IFT122: variants seen among roughly 807,000 people sequenced by gnomAD.
IFT122 encodes the protein intraflagellar transport protein 122 homolog.
A neutral mutation model predicts 161.6 loss-of-function variants in IFT122; 118 were observed. The observed-to-expected ratio is 0.73, with a 90% CI of 0.63 to 0.85. IFT122 has a LOEUF of 0.85. IFT122 is among the 40% of genes least tolerant of loss of function. The probability of loss-of-function intolerance (pLI) is 0.00; values close to 1 mark genes in which losing one functional copy is unlikely to be tolerated. For missense variants in IFT122, 1,381 were observed against 1,579.6 expected (o/e 0.87, Z 2.13); for synonymous variants, 550 against 602.4 (o/e 0.91, Z 1.27).
intron 3 of IFT122, among the ~76,000 whole-genome samples, chr3:129,455,291 G>A (rs574268503): frequency 6.6e-6 from 1 of 151,866 alleles, no homozygotes; most frequent in African/African-American, 2.4e-5. Context: ...TCCTGCCTCA[G>A]CCTCCTGAGT....
chr3:129,469,253 C>A, intron 8 of IFT122, 89 bp from the exon 9 acceptor site: 1 of 1,190,334 alleles, frequency 8.4e-7, no homozygotes, highest in Non-Finnish European at 1.3e-6. Context: ...GAGGCCAGGA[C>A]TTCCTTGTTC....
At chr3:129,519,524 T>G in intron 28 of IFT122, 44 bp from the exon 29 acceptor site, 1 of 1,609,228 alleles carries the variant, frequency 6.2e-7, no homozygotes, top group Non-Finnish European at 8.5e-7. Flanking sequence ...TGTCTCACTG[T>G]GGCTGAGTGA....
intron 10 of IFT122, 66 bp downstream of exon 10, chr3:129,476,572 C>T (rs545309231): frequency 2.0e-5 from 32 of 1,613,126 alleles, no homozygotes; most frequent in African/African-American, 1.6e-4. Context: ...CGCCGTGTCT[C>T]GAGTCACATC....
chr3:129,477,922 C>T, intron 11 of IFT122, 94 bp from the exon 12 acceptor site: 1 of 998,796 alleles, frequency 1.0e-6, no homozygotes, highest in Non-Finnish European at 1.6e-6. Flanking sequence ...CTTTAATTGC[C>T]AGTAGCGCTA....
In IFT122 at chr3:129,519,549, C is replaced by A. The variant is rs1187329781; in HGVS notation, c.3472-19C>A. On this transcript the variant is annotated intron_variant, in intron 28 of 29. Coordinates refer to ENST00000348417, the MANE Select transcript of IFT122 (RefSeq NM_052989.3). ...TGGCTGAGTGAGGACACTGTGCCTCCTTCCCGCCCACCCTGCAGCAAGGTG... is the reference window on the plus strand; with the variant it reads ...TGGCTGAGTGAGGACACTGTGCCTCATTCCCGCCCACCCTGCAGCAAGGTG... 51 of 1,612,242 alleles carry A rather than the reference C, an allele frequency of 3.2e-5. No homozygotes were observed. Among genetic ancestry groups the A allele is most frequent in the Non-Finnish European group, 4.0e-5 (47 of 1,179,968 alleles).
intron 19 of IFT122, among the ~76,000 whole-genome samples, chr3:129,500,302 A>G (rs1275371891): frequency 6.6e-6 from 1 of 152,212 alleles, no homozygotes; most frequent in Non-Finnish European, 1.5e-5. Context: ...CCGGGACATC[A>G]CAGCTGCCAT....
intron 1 of IFT122, 118 bp downstream of exon 1, chr3:129,440,489 AC>A: frequency 8.1e-7 from 1 of 1,238,594 alleles, no homozygotes; most frequent in Non-Finnish European, 1.2e-6. Flanking sequence ...AGGGCACTGA[AC>A]CCCGGCCTGG....
At position 129,519,735 on chromosome 3, in the gene IFT122, A is replaced by G. The variant is rs753825998; in HGVS notation, c.3636+3A>G. On this transcript the variant is annotated splice_donor_region_variant and intron_variant, in intron 29 of 29. Transcript: ENST00000348417. Reference sequence around the variant, plus strand: ...CCATGTGCCCCTCCTGCTTCCAGGTAGGTGGCCACCCTGGTAGCTCACATG... The same window carrying G: ...CCATGTGCCCCTCCTGCTTCCAGGTGGGTGGCCACCCTGGTAGCTCACATG... The G allele has an allele frequency of 3.7e-6, 6 of 1,613,328 alleles. No homozygotes were observed. The South Asian group carries it at 5.5e-5, about 15-fold the overall frequency.
At chr3:129,450,884 C>T (rs2107913553) in intron 2 of IFT122, among the ~76,000 whole-genome samples, 1 of 152,014 alleles carries the variant, frequency 6.6e-6, no homozygotes. Flanking sequence ...CTACGCTCAG[C>T]TAATTTTTTG....
At chr3:129,512,482 A>G (rs1446364016) in intron 24 of IFT122, 70 bp downstream of exon 24, 1 of 1,102,488 alleles carries the variant, frequency 9.1e-7, no homozygotes, top group African/African-American at 1.5e-5. Context: ...AATTCCTTCC[A>G]GAGCACTTTC....
chr3:129,460,707 A>G (rs1289783884), intron 4 of IFT122: 1 of 733,420 alleles, frequency 1.4e-6, no homozygotes, highest in East Asian at 2.6e-5. Context: ...ACAAATCAAC[A>G]AACAATTTTT....
chr3:129,517,401 C>A, intron 26 of IFT122, 68 bp from the exon 27 acceptor site: 4 of 1,600,436 alleles, frequency 2.5e-6, no homozygotes, highest in East Asian at 2.3e-5. Context: ...TGTGGTCACC[C>A]CACCTGCCTG....
At chr3:129,501,979 C>G (rs576667525) in intron 19 of IFT122, among the ~76,000 whole-genome samples, 45 of 152,306 alleles carry the variant, frequency 3.0e-4, no homozygotes, top group African/African-American at 1.1e-3. Flanking sequence ...GTTAGTTTGA[C>G]TCCAAATTCC....
chr3:129,460,525 G>A (rs2076106910), intron 4 of IFT122, among the ~76,000 whole-genome samples: 1 of 151,860 alleles, frequency 6.6e-6, no homozygotes, highest in African/African-American at 2.4e-5. Context: ...CGCCCAAACT[G>A]CTGGGATTAC....
At chr3:129,449,760 C>T in intron 1 of IFT122, 111 bp from the exon 2 acceptor site, 2 of 795,568 alleles carry the variant, frequency 2.5e-6, no homozygotes, top group Non-Finnish European at 4.5e-6. Context: ...TTCTTTTTCT[C>T]CTCAGTACAC....
chr3:129,459,529 A>AT (rs902453707), intron 4 of IFT122: 1,797 of 218,708 alleles, frequency 8.2e-3, no homozygotes, highest in South Asian at 0.02. Context: ...GACTACATCT[A>AT]TTTTTTTTTT....
intron 3 of IFT122, among the ~76,000 whole-genome samples, chr3:129,453,714 G>C (rs2075126181): frequency 6.6e-6 from 1 of 152,180 alleles, no homozygotes; most frequent in Non-Finnish European, 1.5e-5. Context: ...AGAAGTAGTA[G>C]GTTCTGGTGG....
chr3:129,506,509 T>C lies in IFT122; in HGVS notation c.2751T>C (p.Tyr917=). Residue 917 remains tyrosine, a synonymous_variant, in exon 22 of 30, where the codon TAT becomes TAC. Transcript: ENST00000348417. The part of the protein sequence containing the change: ...AESRFNDAAY[Y]YWMLSMQCLD... ...GCAGGTTTAATGATGCTGCCTATTA[T>C]TACTGGATGCTGTCCATGCAGTGCC... 6.2e-7 allele frequency: 1 copy of C among 1,614,246 alleles called. No individual in the cohort carries two copies. The highest frequency in any genetic ancestry group is 1.3e-5 in the African/African-American group (1 of 75,060).
intron 9 of IFT122, among the ~76,000 whole-genome samples, chr3:129,472,285 C>G (rs1289432738): frequency 6.6e-6 from 1 of 151,962 alleles, no homozygotes; most frequent in Non-Finnish European, 1.5e-5. Context: ...TTCCAAGTAG[C>G]TGGGACTACA....
Sources: gnomAD v4.1 joint callset for allele counts (sites outside exome capture counted in the v4.1 genomes callset) on GRCh38, gnomAD v4.1.1 for gene constraint, MANE v1.5 for transcripts, NCBI Gene and HGNC (gene_info 2026-07-23, HGNC 2026-07-21) for gene names.